FAM153A: variants seen among roughly 807,000 people sequenced by gnomAD.
FAM153A encodes the protein family with sequence similarity 153 member A.
In FAM153A, 12 loss-of-function variants were observed where a neutral mutation model predicts 48.1. The ratio of observed to expected loss-of-function variants is 0.25; its 90% CI spans 0.16 to 0.40. The LOEUF is 0.40. Ranked by LOEUF, FAM153A falls within the 10% of genes least tolerant of loss-of-function variation. FAM153A has a pLI of 1.00. For synonymous variants in FAM153A, 36 were observed against 118.2 expected (o/e 0.30, Z 4.51); for missense variants, 111 against 345.8 (o/e 0.32, Z 5.38).
chr5:177,697,678 T>C, the FAM153A span, among the ~76,000 whole-genome samples: 1 of 151,838 alleles, frequency 6.6e-6, no homozygotes, highest in African/African-American at 2.4e-5. Context: ...ACCTGGGGGT[T>C]CTTAGATCTT....
chr5:177,715,924 C>T (rs1759664644), intron 25 of FAM153A, among the ~76,000 whole-genome samples: 1 of 151,578 alleles, frequency 6.6e-6, no homozygotes. Flanking sequence ...AACCCTCATA[C>T]CTTGGCCTCT....
chr5:177,771,674 C>T lies in FAM153A; in HGVS notation c.-57+8775G>A, dbSNP rs4519937. ...CCCACCATGCCCTAAGACTGGTCAC[C>T]GTGTCTAAAGTGTTTATAGAAACAA... On this transcript the variant is annotated intron_variant, in intron 1 of 8. Coordinates refer to the FAM153A transcript ENST00000393518. 3.4e-4 allele frequency among the ~76,000 whole-genome samples: 33 copies of T among 96,804 alleles called. 5 individuals carry two copies. Among genetic ancestry groups the T allele is most frequent in the Middle Eastern group, 5.5e-3 (1 of 182 alleles). 63.5% of individuals were successfully genotyped at this position (96,804 alleles called of 152,430 possible). A position where few individuals can be genotyped will look rare whatever the true frequency, so the allele number is the denominator to read the frequency against.
At chr5:177,704,665 T>G (rs556254384), downstream of FAM153A, among the ~76,000 whole-genome samples, 89 of 151,898 alleles carry the variant, frequency 5.9e-4, 2 homozygotes, top group Admixed American at 5.8e-3. Flanking sequence ...GTGGTGCTGT[T>G]CTCATGATAG....
upstream of FAM153A, among the ~76,000 whole-genome samples, chr5:177,755,442 C>G (rs577015568): frequency 1.2e-4 from 18 of 151,744 alleles, no homozygotes; most frequent in African/African-American, 3.4e-4. Context: ...CTTCCCCAAT[C>G]GAGCAAGGCA....
chr5:177,754,053 G>A (rs1377899887), upstream of FAM153A, among the ~76,000 whole-genome samples: 2 of 151,924 alleles, frequency 1.3e-5, no homozygotes, highest in African/African-American at 4.9e-5. Flanking sequence ...CCTCACCCAG[G>A]AAGTGCAAAG....
At chr5:177,698,007 G>A in the FAM153A span, among the ~76,000 whole-genome samples, 1 of 150,834 alleles carries the variant, frequency 6.6e-6, no homozygotes, top group East Asian at 1.9e-4. Context: ...CTGACATTTG[G>A]GCAGCTTTTT....
At chr5:177,734,615 G>T (rs1410398420) in intron 13 of FAM153A, among the ~76,000 whole-genome samples, 1 of 140,584 alleles carries the variant, frequency 7.1e-6, no homozygotes, top group Non-Finnish European at 1.5e-5. Context: ...CTGGCAAGTA[G>T]CTGATTTTGC....
downstream of FAM153A, among the ~76,000 whole-genome samples, chr5:177,704,771 A>C (rs947795205): frequency 4.0e-5 from 6 of 151,764 alleles, no homozygotes; most frequent in African/African-American, 1.5e-4. Flanking sequence ...AGGCTGAGGC[A>C]GGTGGATTTT....
downstream of FAM153A, among the ~76,000 whole-genome samples, chr5:177,709,758 C>A (rs1362347603): frequency 3.2e-5 from 4 of 124,810 alleles, no homozygotes; most frequent in African/African-American, 1.2e-4. Flanking sequence ...GCCACCTCTG[C>A]CTCCCGGGTT....
exon 27 of FAM153A, chr5:177,711,933 C>G (rs1022082399): frequency 6.6e-6 from 1 of 151,804 alleles, no homozygotes; most frequent in Non-Finnish European, 1.5e-5. Context: ...ATTACTGTTA[C>G]AAGAATAACG....
exon 1 of FAM153A, chr5:177,753,202 C>T (rs1490600320): frequency 2.5e-6 from 4 of 1,610,572 alleles, no homozygotes; most frequent in Non-Finnish European, 2.5e-6. Context: ...ATAAACACAT[C>T]CCATTGTGAG....
chr5:177,702,021 C>T, the FAM153A span, among the ~76,000 whole-genome samples: 1 of 151,644 alleles, frequency 6.6e-6, no homozygotes, highest in African/African-American at 2.4e-5. Flanking sequence ...CATTCTCCTG[C>T]CTCAGCCTCC....
chr5:177,698,757 C>G, the FAM153A span, among the ~76,000 whole-genome samples: 2 of 147,854 alleles, frequency 1.4e-5, no homozygotes, highest in African/African-American at 2.7e-5. Flanking sequence ...TTCCTGGGCT[C>G]GAGTGATCCT....
the FAM153A span, among the ~76,000 whole-genome samples, chr5:177,700,596 G>A: frequency 6.6e-6 from 1 of 151,770 alleles, no homozygotes; most frequent in African/African-American, 2.4e-5. Context: ...TGAGGTAGGA[G>A]GTCAAGACCA....
At chr5:177,706,125 C>A (rs57301687), downstream of FAM153A, among the ~76,000 whole-genome samples, 40,402 of 151,354 alleles carry the variant, frequency 0.27, 6,054 homozygotes, top group South Asian at 0.38. Context: ...AGTAGAAATA[C>A]AACAAACCCA....
chr5:177,709,012 T>G (rs1758106893), downstream of FAM153A, among the ~76,000 whole-genome samples: 1 of 137,092 alleles, frequency 7.3e-6, no homozygotes, highest in East Asian at 2.3e-4. Flanking sequence ...GGAGAATCAC[T>G]TGAACCCGGG....
exon 27 of FAM153A, chr5:177,711,103 T>C (rs1758396881): frequency 6.6e-6 from 1 of 151,876 alleles, no homozygotes; most frequent in African/African-American, 2.4e-5. Context: ...AATGGAATAA[T>C]ATGACACATA....
intron 10 of FAM153A, among the ~76,000 whole-genome samples, chr5:177,737,347 A>G (rs1222663474): frequency 6.6e-6 from 1 of 151,418 alleles, no homozygotes. Flanking sequence ...CTTTGAGATG[A>G]AGTAACCCAT....
intron 1 of FAM153A, among the ~76,000 whole-genome samples, chr5:177,761,341 C>T (rs1418348062): frequency 4.6e-5 from 7 of 151,696 alleles, no homozygotes; most frequent in East Asian, 3.9e-4. Flanking sequence ...GAGGCCTGGC[C>T]GGAAAAGGGC....
Sources: allele counts gnomAD v4.1 joint callset (sites outside exome capture counted in the v4.1 genomes callset), GRCh38; gene constraint gnomAD v4.1.1; transcripts MANE v1.5; gene names NCBI Gene and HGNC (gene_info 2026-07-23, HGNC 2026-07-21).